The following SGCE variants were observed in gnomAD, a reference collection of about 807,000 sequenced individuals.
The protein encoded by SGCE is epsilon-sarcoglycan.
A neutral mutation model predicts 57.8 loss-of-function variants in SGCE; 26 were observed. The ratio of observed to expected loss-of-function variants is 0.45; its 90% CI spans 0.33 to 0.62. SGCE has a LOEUF of 0.62. Ranked by LOEUF, SGCE falls within the 20% of genes least tolerant of loss-of-function variation. SGCE has a pLI of 0.02. For missense variants in SGCE, 468 were observed against 548.6 expected (o/e 0.85, Z 1.47); for synonymous variants, 183 against 189.5 (o/e 0.97, Z 0.28).
At chr7:94,595,617 G>A (rs982355194) in intron 9 of SGCE, among the ~76,000 whole-genome samples, 2 of 152,026 alleles carry the variant, frequency 1.3e-5, no homozygotes, top group Admixed American at 1.3e-4. Context: ...TTAATCTTGA[G>A]AATTCAATTC....
Position 94,614,107 on chromosome 7 carries a change from C to CAAAAAAAAAAAAA in SGCE, c.662+4638_662+4650dup, listed in dbSNP as rs925650428. On this transcript the variant is annotated intron_variant, in intron 5 of 10. Coordinates refer to ENST00000648936, the MANE Select transcript of SGCE (RefSeq NM_003919.3). ...AATTTTCTTGTACCCAAATTGAAATCAAAAAAAAAAAAAAAAAAAAAAACA... is the reference window on the plus strand; with the variant it reads ...AATTTTCTTGTACCCAAATTGAAATCAAAAAAAAAAAAAAAAAAAAAAAAAAAAAAAAAAAACA... Among the ~76,000 whole-genome samples, 34 of 94,886 alleles carry CAAAAAAAAAAAAA rather than the reference C, an allele frequency of 3.6e-4. 1 individual carries two copies. The highest frequency in any genetic ancestry group is 6.5e-4 in the East Asian group (2 of 3,066). The allele number at this position is 94,886 out of a possible 152,430, so 62.2% of individuals were successfully genotyped here.
chr7:94,604,367 C>G (rs1799717895), intron 5 of SGCE, among the ~76,000 whole-genome samples: 1 of 151,858 alleles, frequency 6.6e-6, no homozygotes, highest in Non-Finnish European at 1.5e-5. Flanking sequence ...AGTTGACTAA[C>G]TGATCCTAAA....
At position 94,639,281 on chromosome 7, in the gene SGCE, T is replaced by C. The variant is rs1293146160; in HGVS notation, c.110-9440A>G. ...CATGACTAAAAAAGGGAAGAGACTA[T>C]TGGAAGCAGACATTTAATTGGCTCC... On this transcript the variant is annotated intron_variant, in intron 1 of 10. Transcript: ENST00000648936. 1.9e-5 allele frequency: 20 copies of C among 1,048,758 alleles called. No individual in the cohort carries two copies. The East Asian group carries it at 3.9e-4, about 20-fold the overall frequency. The allele number at this position is 1,048,758 out of a possible 1,614,324, so 65.0% of individuals were successfully genotyped here. A position where few individuals can be genotyped will look rare whatever the true frequency, so the allele number is the denominator to read the frequency against.
At chr7:94,628,692 C>A in intron 2 of SGCE, 1 of 265,578 alleles carries the variant, frequency 3.8e-6, no homozygotes, top group Non-Finnish European at 7.3e-6. Context: ...CTAATGTACT[C>A]ATTCTTTTGC....
chr7:94,617,751 G>A (rs1419800572), intron 5 of SGCE: 4 of 151,550 alleles, frequency 2.6e-5, no homozygotes, highest in Admixed American at 6.6e-5. Flanking sequence ...AAATTTTTAA[G>A]TTGGACTTTA....
chr7:94,600,912 A>T, intron 6 of SGCE, 55 bp from the exon 7 acceptor site: 1 of 1,412,396 alleles, frequency 7.1e-7, no homozygotes, highest in South Asian at 1.2e-5. Flanking sequence ...ACATTATGAG[A>T]TTTTAAGATC....
At chr7:94,588,192 G>A (rs557876134) in intron 10 of SGCE, 28 of 1,071,776 alleles carry the variant, frequency 2.6e-5, no homozygotes, top group Middle Eastern at 4.4e-4. Context: ...AGAATTGTCC[G>A]CCATCTTGTT....
Position 94,619,245 on chromosome 7 carries a change from C to T in SGCE, c.464-289G>A, listed in dbSNP as rs1275890622. 1.8e-5 allele frequency: 5 copies of T among 273,244 alleles called. No homozygotes were observed. In the East Asian group the frequency reaches 3.3e-4, roughly 18 times the overall value. The allele number at this position is 273,244 out of a possible 1,614,324, so 16.9% of individuals were successfully genotyped here. ...GCAAAACAACTAAGAAAAGCTAAAT[C>T]TACATTTTAAATTTATAATATTACT... On this transcript the variant is annotated intron_variant, in intron 4 of 10. Transcript: ENST00000648936.
chr7:94,586,061 G>GAAA lies in SGCE; in HGVS notation c.1298-549_1298-547dup, dbSNP rs780812386. Among the ~76,000 whole-genome samples, 164 of 28,904 alleles carry GAAA rather than the reference G, an allele frequency of 5.7e-3. 18 individuals are homozygous for GAAA. The highest frequency in any genetic ancestry group is 8.6e-3 in the African/African-American group (57 of 6,662). The allele number at this position is 28,904 out of a possible 152,430, so 19.0% of individuals were successfully genotyped here. ...TTTAAAAGAAAACAAGGAACTAAATGAAAAAAAAAAAAAAAAAAAAAAAAA... is the reference window on the plus strand; with the variant it reads ...TTTAAAAGAAAACAAGGAACTAAATGAAAAAAAAAAAAAAAAAAAAAAAAAAAA... On this transcript the variant is annotated intron_variant, in intron 10 of 10. Coordinates refer to ENST00000648936, the MANE Select transcript of SGCE (RefSeq NM_003919.3).
intron 1 of SGCE, among the ~76,000 whole-genome samples, chr7:94,632,951 C>T (rs1485791955): frequency 6.6e-6 from 1 of 152,058 alleles, no homozygotes. Flanking sequence ...CCAGGCAGCA[C>T]TCACAAACCA....
At chr7:94,642,443 G>A (rs1362795553) in intron 1 of SGCE, among the ~76,000 whole-genome samples, 4 of 152,090 alleles carry the variant, frequency 2.6e-5, no homozygotes, top group Admixed American at 6.6e-5. Context: ...TAGGAAGCAC[G>A]TAGGCAGCTC....
intron 1 of SGCE, chr7:94,644,678 G>A (rs1233135171): frequency 2.4e-6 from 3 of 1,274,678 alleles, no homozygotes; most frequent in Admixed American, 4.6e-5. Context: ...CTGTAAGGGG[G>A]ATGAAAGACT....
At chr7:94,642,095 C>T (rs1806475950) in intron 1 of SGCE, among the ~76,000 whole-genome samples, 1 of 152,014 alleles carries the variant, frequency 6.6e-6, no homozygotes, top group Non-Finnish European at 1.5e-5. Flanking sequence ...ACAAACAAAA[C>T]CTCAGGTGAT....
intron 5 of SGCE, among the ~76,000 whole-genome samples, chr7:94,616,403 A>T (rs2116862410): frequency 6.6e-6 from 1 of 152,324 alleles, no homozygotes; most frequent in Admixed American, 6.5e-5. Context: ...AAGCACATTT[A>T]TTAGGTGCCT....
intron 5 of SGCE, among the ~76,000 whole-genome samples, chr7:94,613,103 G>C (rs1225604374): frequency 6.6e-6 from 1 of 152,138 alleles, no homozygotes; most frequent in East Asian, 1.9e-4. Context: ...TGAATGAAAA[G>C]CATTATACCA....
At chr7:94,628,799 T>G (rs1804180519) in intron 2 of SGCE, 1 of 172,198 alleles carries the variant, frequency 5.8e-6, no homozygotes, top group Admixed American at 5.9e-5. Flanking sequence ...TAATGTAATT[T>G]TAAAACACTG....
intron 5 of SGCE, among the ~76,000 whole-genome samples, chr7:94,606,404 G>A (rs1161370427): frequency 6.6e-6 from 1 of 152,182 alleles, no homozygotes; most frequent in East Asian, 1.9e-4. Flanking sequence ...TAATGATAAA[G>A]AGGTCAATTC....
intron 6 of SGCE, 68 bp from the exon 7 acceptor site, chr7:94,600,925 G>C (rs1799119498): frequency 1.0e-5 from 13 of 1,275,870 alleles, no homozygotes; most frequent in Non-Finnish European, 1.5e-5. Context: ...TTAAGATCTG[G>C]ATACACTAAA....
intron 1 of SGCE, among the ~76,000 whole-genome samples, chr7:94,649,774 G>A (rs1442491046): frequency 6.6e-6 from 1 of 152,248 alleles, no homozygotes; most frequent in Non-Finnish European, 1.5e-5. Flanking sequence ...AACAACTGGA[G>A]TGGAGGAGAA....
Sources: allele counts gnomAD v4.1 joint callset (sites outside exome capture counted in the v4.1 genomes callset), GRCh38; gene constraint gnomAD v4.1.1; transcripts MANE v1.5; gene names NCBI Gene and HGNC (gene_info 2026-07-23, HGNC 2026-07-21).